Variants in CAMTA1 observed in about 807,000 individuals in gnomAD.
CAMTA1 encodes the protein calmodulin binding transcription activator 1.
A neutral mutation model predicts 170.9 loss-of-function variants in CAMTA1; 27 were observed. The ratio of observed to expected loss-of-function variants is 0.16; its 90% CI spans 0.12 to 0.22. The LOEUF (loss-of-function observed/expected upper bound fraction) is 0.22, where lower values mean the gene tolerates loss of function less well. Ranked by LOEUF, CAMTA1 falls within the 10% of genes least tolerant of loss-of-function variation. The pLI, the probability that CAMTA1 is intolerant of heterozygous loss-of-function variation, is 1.00. For missense variants in CAMTA1, 1,619 were observed against 2,217.2 expected, an observed-to-expected ratio of 0.73 and a Z score of 5.42; for synonymous variants, 833 against 891.5, an observed-to-expected ratio of 0.93 and a Z score of 1.17.
chr1:7,631,753 C>G (rs555440471), intron 6 of CAMTA1, among the ~76,000 whole-genome samples: 1 of 152,314 alleles, frequency 6.6e-6, no homozygotes, highest in African/African-American at 2.4e-5. Context: ...TCTTGTGCTT[C>G]CGTCCATCCT....
chr1:7,697,816 A>G (rs1263823886), intron 11 of CAMTA1, among the ~76,000 whole-genome samples: 3 of 152,188 alleles, frequency 2.0e-5, no homozygotes, highest in African/African-American at 7.2e-5. Flanking sequence ...CAATCATGGC[A>G]TATCCTGGTA....
At position 7,736,888 on chromosome 1, in the gene CAMTA1, C is replaced by T. The variant is rs554344577; in HGVS notation, c.3264-43C>T. The T allele has an allele frequency of 1.6e-4, 235 of 1,447,266 alleles. 4 individuals carry two copies. The South Asian group carries it at 1.7e-3, about 10-fold the overall frequency. The allele number at this position is 1,447,266 out of a possible 1,614,324, so 89.7% of individuals were successfully genotyped here. A position where few individuals can be genotyped will look rare whatever the true frequency, so the allele number is the denominator to read the frequency against. On this transcript the variant is annotated intron_variant, in intron 13 of 22. Coordinates refer to ENST00000303635, the MANE Select transcript of CAMTA1 (RefSeq NM_015215.4). This position sits in a 1 kb window ranked among gnomAD's most constrained non-coding sequence, Gnocchi z 4.5. ...ATAATATTCTGGTGTTTCCTTTTAA[C>T]GGTGGTGAATAGTGTGGTAATTTCT... is the stretch of plus-strand genomic sequence containing the variant.
intron 3 of CAMTA1, among the ~76,000 whole-genome samples, chr1:6,892,066 C>T (rs1388469086): frequency 1.3e-5 from 2 of 152,210 alleles, no homozygotes; most frequent in African/African-American, 2.4e-5. Context: ...TTTGAAACTG[C>T]TGTGGTTCCC....
At chr1:7,593,820 T>A (rs554244094) in intron 6 of CAMTA1, among the ~76,000 whole-genome samples, 35 of 143,314 alleles carry the variant, frequency 2.4e-4, no homozygotes, top group Non-Finnish European at 3.8e-4. Flanking sequence ...GGCAGGTGGA[T>A]CACCTGTGGT....
intron 4 of CAMTA1, among the ~76,000 whole-genome samples, chr1:7,110,462 G>A (rs1573135079): frequency 6.6e-6 from 1 of 152,146 alleles, no homozygotes; most frequent in African/African-American, 2.4e-5. Flanking sequence ...GCCCGAGCAG[G>A]CCGGGCCAGT....
intron 3 of CAMTA1, among the ~76,000 whole-genome samples, chr1:6,902,997 C>T (rs1677468606): frequency 6.6e-6 from 1 of 152,026 alleles, no homozygotes; most frequent in Non-Finnish European, 1.5e-5. Flanking sequence ...ATATATGTTC[C>T]CAAAAGAACT....
chr1:7,358,664 T>C (rs1161973889), intron 5 of CAMTA1, among the ~76,000 whole-genome samples: 1 of 152,192 alleles, frequency 6.6e-6, no homozygotes, highest in African/African-American at 2.4e-5. Flanking sequence ...TGAATATAGA[T>C]ATATTTTCCT....
intron 4 of CAMTA1, among the ~76,000 whole-genome samples, chr1:7,111,453 ATAT>A (rs772944272): frequency 6.6e-6 from 1 of 152,186 alleles, no homozygotes. Context: ...GTCTAATCCA[ATAT>A]TAAGAGCATG....
intron 6 of CAMTA1, among the ~76,000 whole-genome samples, chr1:7,480,324 T>TGTGTGA (rs200639823): frequency 1.3e-5 from 2 of 149,830 alleles, no homozygotes; most frequent in East Asian, 2.0e-4. Context: ...AGTGTGTGTG[T>TGTGTGA]GTATGAGTGC....
chr1:7,024,941 A>T (rs550657829), intron 3 of CAMTA1, among the ~76,000 whole-genome samples: 9 of 152,186 alleles, frequency 5.9e-5, no homozygotes, highest in African/African-American at 1.7e-4. Flanking sequence ...TGGTGGCTGT[A>T]TGGATAATTT....
intron 4 of CAMTA1, among the ~76,000 whole-genome samples, chr1:7,156,190 C>T (rs1296947287): frequency 1.3e-5 from 2 of 150,888 alleles, no homozygotes; most frequent in Admixed American, 6.6e-5. Context: ...AGGAGAATCG[C>T]TTGAACCTGG....
At chr1:7,085,827 C>T (rs1640664207) in intron 3 of CAMTA1, among the ~76,000 whole-genome samples, 1 of 152,222 alleles carries the variant, frequency 6.6e-6, no homozygotes, top group Non-Finnish European at 1.5e-5. Context: ...AACCCATCAG[C>T]TTGGGGACTG....
intron 5 of CAMTA1, among the ~76,000 whole-genome samples, chr1:7,392,874 A>G (rs974430069): frequency 2.0e-5 from 3 of 150,286 alleles, no homozygotes; most frequent in East Asian, 4.0e-4. Flanking sequence ...TGTCTCGATC[A>G]ATCAATCAAT....
intron 5 of CAMTA1, among the ~76,000 whole-genome samples, chr1:7,404,925 G>C (rs1164536083): frequency 6.6e-6 from 1 of 152,040 alleles, no homozygotes; most frequent in Non-Finnish European, 1.5e-5. Flanking sequence ...TTTGTTTTTT[G>C]GGGTTTGTTT....
rs372473221 is a variant in CAMTA1, at chr1:7,605,102, G to T, written c.511-35298G>T. Among the ~76,000 whole-genome samples, 3 of 152,194 alleles carry T rather than the reference G, an allele frequency of 2.0e-5. No homozygotes were observed. The East Asian group carries it at 5.8e-4, about 29-fold the overall frequency. The stretch of plus-strand genomic sequence containing the variant: ...GGTGTCAGTCTACCCCTACTAGGGG[G>T]TGCCTCCCAGTTAGGCTACTCGGGG... On this transcript the variant is annotated intron_variant, in intron 6 of 22. Coordinates refer to ENST00000303635, the MANE Select transcript of CAMTA1 (RefSeq NM_015215.4).
chr1:7,705,892 C>T (rs2096518739), intron 11 of CAMTA1, among the ~76,000 whole-genome samples: 2 of 152,158 alleles, frequency 1.3e-5, no homozygotes, highest in East Asian at 1.9e-4. Context: ...ACTTTCCACG[C>T]GCAGATGGGC....
chr1:7,065,537 T>G lies in CAMTA1; in HGVS notation c.235-25767T>G, dbSNP rs556168333. Reference sequence around the variant, plus strand: ...AAGAAAGCCCGCTTTAGGAGTGAGGTCCTGGAGGAGGGGACAGGAGATGGG... The same window carrying G: ...AAGAAAGCCCGCTTTAGGAGTGAGGGCCTGGAGGAGGGGACAGGAGATGGG... On this transcript the variant is annotated intron_variant, in intron 3 of 22. Coordinates refer to ENST00000303635, the MANE Select transcript of CAMTA1 (RefSeq NM_015215.4). This position sits in a 1 kb window ranked among gnomAD's most constrained non-coding sequence, Gnocchi z 5.2. 1.4e-4 allele frequency among the ~76,000 whole-genome samples: 22 copies of G among 152,058 alleles called. No individual in the cohort carries two copies. In the South Asian group the frequency reaches 2.7e-3, roughly 19 times the overall value.
At chr1:7,135,433 G>A (rs552716696) in intron 4 of CAMTA1, among the ~76,000 whole-genome samples, 1 of 152,188 alleles carries the variant, frequency 6.6e-6, no homozygotes, top group East Asian at 1.9e-4. Context: ...ACAGATGCTG[G>A]TGAGGCTGTG....
At position 6,850,849 on chromosome 1, in the gene CAMTA1, A is replaced by C. The variant is rs115866232; in HGVS notation, c.234+25639A>C. ...AGATCAGGGAGCAGGAAAACTTCTT[A>C]GGCTTTGAGTAGGAGACCCAAAAGC... On this transcript the variant is annotated intron_variant, in intron 3 of 22. Transcript: ENST00000303635. Among the ~76,000 whole-genome samples, 503 of 152,298 alleles carry C rather than the reference A, an allele frequency of 3.3e-3. 2 individuals are homozygous for C. The highest frequency in any genetic ancestry group is 6.8e-3 in the Middle Eastern group (2 of 294).
Sources: allele counts gnomAD v4.1 joint callset (sites outside exome capture counted in the v4.1 genomes callset), GRCh38; gene constraint gnomAD v4.1.1; non-coding constraint Gnocchi (gnomAD v3.1); transcripts MANE v1.5; gene names NCBI Gene and HGNC (gene_info 2026-07-23, HGNC 2026-07-21).